Variants in GNA12 observed in about 807,000 individuals in gnomAD.
GNA12 encodes the protein guanine nucleotide-binding protein subunit alpha-12.
In GNA12, 9 loss-of-function variants were observed where a neutral mutation model predicts 26.0. The ratio of observed to expected loss-of-function variants is 0.35; its 90% CI spans 0.21 to 0.60. GNA12 has a LOEUF of 0.60. GNA12 is among the 20% of genes least tolerant of loss of function. The pLI, the probability that GNA12 is intolerant of heterozygous loss-of-function variation, is 0.78. For missense variants in GNA12, 405 were observed against 525.8 expected, an observed-to-expected ratio of 0.77 and a Z score of 2.25; for synonymous variants, 264 against 219.6, an observed-to-expected ratio of 1.20 and a Z score of -1.79.
chr7:2,741,338 G>C (rs534911116), intron 2 of GNA12, among the ~76,000 whole-genome samples: 33 of 152,282 alleles, frequency 2.2e-4, no homozygotes, highest in African/African-American at 7.5e-4. Flanking sequence ...CTGGGCAACA[G>C]AGTGAGACAC....
chr7:2,755,045 C>T (rs1791226024), intron 2 of GNA12, among the ~76,000 whole-genome samples: 1 of 152,206 alleles, frequency 6.6e-6, no homozygotes, highest in South Asian at 2.1e-4. Context: ...TCTCCTTCTT[C>T]ACTGAGTTGC....
chr7:2,763,885 A>G (rs147880908), intron 2 of GNA12, among the ~76,000 whole-genome samples: 89 of 152,282 alleles, frequency 5.8e-4, no homozygotes, highest in African/African-American at 2.0e-3. Context: ...ACGGAGAGAG[A>G]AGGAGCTCAG....
At chr7:2,737,271 T>TC (rs1790241076) in intron 2 of GNA12, among the ~76,000 whole-genome samples, 3 of 49,858 alleles carry the variant, frequency 6.0e-5, no homozygotes, top group Non-Finnish European at 1.4e-4. Context: ...ACAGTTTTGT[T>TC]TTGTTTTTTT....
intron 2 of GNA12, chr7:2,762,766 T>A (rs1791624294): frequency 1.9e-6 from 3 of 1,548,260 alleles, no homozygotes; most frequent in Non-Finnish European, 2.6e-6. Flanking sequence ...GGCCCGTCCT[T>A]TCCACCCAGG....
At chr7:2,751,297 G>A (rs371437123) in intron 2 of GNA12, among the ~76,000 whole-genome samples, 1 of 151,980 alleles carries the variant, frequency 6.6e-6, no homozygotes, top group East Asian at 1.9e-4. Context: ...GAGCTGAGGT[G>A]GGAGGATCAC....
intron 2 of GNA12, among the ~76,000 whole-genome samples, chr7:2,771,269 C>T (rs906678653): frequency 6.6e-6 from 1 of 151,980 alleles, no homozygotes; most frequent in Non-Finnish European, 1.5e-5. Context: ...TCAGCCTGGG[C>T]GACAGAGCAA....
intron 1 of GNA12, among the ~76,000 whole-genome samples, chr7:2,806,457 C>G (rs554213864): frequency 1.2e-5 from 1 of 80,714 alleles, no homozygotes; most frequent in East Asian, 3.8e-4. Context: ...GACTCTGTCT[C>G]AAAAAAAAAA....
intron 2 of GNA12, among the ~76,000 whole-genome samples, chr7:2,753,910 G>C (rs1325005959): frequency 6.6e-6 from 1 of 152,106 alleles, no homozygotes; most frequent in Non-Finnish European, 1.5e-5. Context: ...GTGGCAGGGA[G>C]AGCTCATGTA....
intron 2 of GNA12, among the ~76,000 whole-genome samples, chr7:2,744,657 A>C (rs969617278): frequency 3.3e-5 from 5 of 152,232 alleles, no homozygotes; most frequent in South Asian, 2.1e-4. Context: ...CAACGGAACA[A>C]AGCTGGATGG....
chr7:2,823,328 T>C (rs1056095769), intron 1 of GNA12, among the ~76,000 whole-genome samples: 3 of 152,174 alleles, frequency 2.0e-5, no homozygotes, highest in Non-Finnish European at 4.4e-5. Flanking sequence ...GACTGAAGGC[T>C]GATAGCAGTA....
intron 2 of GNA12, among the ~76,000 whole-genome samples, chr7:2,781,165 C>T (rs1016774577): frequency 6.6e-6 from 1 of 152,182 alleles, no homozygotes; most frequent in African/African-American, 2.4e-5. Flanking sequence ...TAGCAAATGA[C>T]TTCACTGTCA....
chr7:2,793,405 T>C (rs1431445484), intron 2 of GNA12, among the ~76,000 whole-genome samples: 1 of 152,154 alleles, frequency 6.6e-6, no homozygotes, highest in African/African-American at 2.4e-5. Flanking sequence ...AGTTAATTGA[T>C]GCTTTCATAC....
At chr7:2,757,807 T>G (rs555905740) in intron 2 of GNA12, among the ~76,000 whole-genome samples, 11 of 152,358 alleles carry the variant, frequency 7.2e-5, no homozygotes, top group African/African-American at 2.6e-4. Flanking sequence ...TAGTACGTAC[T>G]GAACGCTTGC....
At chr7:2,791,310 T>C (rs1792512213) in intron 2 of GNA12, among the ~76,000 whole-genome samples, 1 of 152,206 alleles carries the variant, frequency 6.6e-6, no homozygotes. Flanking sequence ...GTGTCTGCTG[T>C]CTGTGACCAG....
At chr7:2,814,448 G>C (rs1390017700) in intron 1 of GNA12, 3 of 988,470 alleles carry the variant, frequency 3.0e-6, no homozygotes, top group Non-Finnish European at 4.9e-6. Context: ...AGAGACATCA[G>C]AATAAAGCCC....
rs1005753225 is a variant in GNA12, at chr7:2,844,212, C to G, written c.-51G>C. On this transcript the variant is annotated 5_prime_UTR_variant, in exon 1 of 4. Transcript: ENST00000275364. Reference sequence around the variant, plus strand: ...CGCCGGCGCCCGGGGGCCATGGACGCTCCCGCCGGCGAGGGCGAGCCCGGG... The same window carrying G: ...CGCCGGCGCCCGGGGGCCATGGACGGTCCCGCCGGCGAGGGCGAGCCCGGG... 11 of 911,768 alleles carry G rather than the reference C, an allele frequency of 1.2e-5. No homozygotes were observed. In the African/African-American group the frequency reaches 2.0e-4, roughly 17 times the overall value. The allele number at this position is 911,768 out of a possible 1,614,324, so 56.5% of individuals were successfully genotyped here. A position where few individuals can be genotyped will look rare whatever the true frequency, so the allele number is the denominator to read the frequency against.
Position 2,731,580 on chromosome 7 carries a change from C to G in GNA12, c.747G>C (p.Leu249=). Residue 249 remains leucine (L), a synonymous_variant, in exon 4 of 4, where the codon CTG becomes CTC. Transcript: ENST00000275364. The surrounding 1 kb of genome is among the most constrained non-coding windows in gnomAD (Gnocchi z 6.0). ...CGTACTCGCTGGAGGAGACCATGAA[C>G]AGGATGGACGTGATCCCGTCGAAGC... is the stretch of plus-strand genomic sequence containing the variant. ...FQCFDGITSI[L]FMVSSSEYDQ... is the part of the protein sequence containing the mutation. 1 of 1,612,752 alleles carries G rather than the reference C, an allele frequency of 6.2e-7. No homozygotes were observed.
At chr7:2,827,487 A>G (rs923935289) in intron 1 of GNA12, among the ~76,000 whole-genome samples, 6 of 152,222 alleles carry the variant, frequency 3.9e-5, no homozygotes, top group Non-Finnish European at 2.9e-5. Context: ...TCGCGTGAGA[A>G]TTCAAGCACT....
chr7:2,779,688 T>TC (rs1382056006), intron 2 of GNA12, among the ~76,000 whole-genome samples: 1 of 152,030 alleles, frequency 6.6e-6, no homozygotes, highest in Non-Finnish European at 1.5e-5. Context: ...AACTTCAGCC[T>TC]CCGGGGTTCA....
Sources: gnomAD v4.1 joint callset for allele counts (sites outside exome capture counted in the v4.1 genomes callset) on GRCh38, gnomAD v4.1.1 for gene constraint, Gnocchi (gnomAD v3.1) non-coding constraint, MANE v1.5 for transcripts, NCBI Gene and HGNC (gene_info 2026-07-23, HGNC 2026-07-21) for gene names.